The following USP3 variants were observed in gnomAD, a reference collection of about 807,000 sequenced individuals.
The protein encoded by USP3 is ubiquitin specific peptidase 3, also known as ubiquitin carboxyl-terminal hydrolase 3.
Under a neutral mutation model 72.3 loss-of-function variants are expected in USP3, and 20 were observed. The observed-to-expected ratio is 0.28, with a 90% CI of 0.19 to 0.40. The LOEUF (loss-of-function observed/expected upper bound fraction) is 0.40, where lower values mean the gene tolerates loss of function less well. USP3 is among the 10% of genes least tolerant of loss of function. The pLI, the probability that USP3 is intolerant of heterozygous loss-of-function variation, is 1.00. For missense variants in USP3, 479 were observed against 633.9 expected (o/e 0.76, Z 2.62); for synonymous variants, 222 against 225.3 (o/e 0.99, Z 0.13).
chr15:63,524,487 T>G (rs1468839612), intron 1 of USP3, among the ~76,000 whole-genome samples: 2 of 152,202 alleles, frequency 1.3e-5, no homozygotes, highest in Non-Finnish European at 2.9e-5. Flanking sequence ...TTCATTTTGC[T>G]TATAATTTTG....
In USP3 at chr15:63,592,515, C is replaced by A. The variant is rs141318187; in HGVS notation, c.*1689C>A. ...AGGCTGGAGTGCAGTGTGGCATGAT[C>A]ACAGCTCACTGTAGCCTCAACCTCC... is the stretch of plus-strand genomic sequence containing the variant. On this transcript the variant is annotated 3_prime_UTR_variant, in exon 15 of 15. Transcript: ENST00000380324. The A allele has an allele frequency of 2.8e-3, 421 of 149,298 alleles. 3 individuals carry two copies. Among genetic ancestry groups the A allele is most frequent in the Non-Finnish European group, 5.3e-3 (359 of 67,638 alleles). 9.2% of individuals were successfully genotyped at this position (149,298 alleles called of 1,614,324 possible).
intron 3 of USP3, among the ~76,000 whole-genome samples, chr15:63,545,579 GT>G (rs200281421): frequency 5.8e-4 from 87 of 148,802 alleles, no homozygotes; most frequent in African/African-American, 2.0e-3. Flanking sequence ...CAAGTATTTT[GT>G]TTTTTTTTAA....
At chr15:63,550,513 C>T (rs747643674) in intron 3 of USP3, among the ~76,000 whole-genome samples, 1 of 152,198 alleles carries the variant, frequency 6.6e-6, no homozygotes, top group Non-Finnish European at 1.5e-5. Context: ...ATATCTACAA[C>T]ATAAGATCAG....
chr15:63,547,191 T>G (rs1054922394), intron 3 of USP3, among the ~76,000 whole-genome samples: 1 of 152,134 alleles, frequency 6.6e-6, no homozygotes, highest in Non-Finnish European at 1.5e-5. Context: ...ACCTTAGAAG[T>G]TTTGACCTGT....
intron 1 of USP3, among the ~76,000 whole-genome samples, chr15:63,513,850 A>G (rs2065819543): frequency 6.6e-6 from 1 of 152,242 alleles, no homozygotes; most frequent in African/African-American, 2.4e-5. Flanking sequence ...GACATGTTAG[A>G]AAAATGTTCT....
intron 1 of USP3, among the ~76,000 whole-genome samples, chr15:63,518,943 T>C (rs938507961): frequency 6.6e-5 from 10 of 152,124 alleles, no homozygotes; most frequent in Non-Finnish European, 1.0e-4. Flanking sequence ...TTTTTTGTAT[T>C]TTTAGTAGAT....
At chr15:63,575,943 C>T (rs559386308) in intron 11 of USP3, among the ~76,000 whole-genome samples, 3 of 151,312 alleles carry the variant, frequency 2.0e-5, no homozygotes, top group African/African-American at 4.9e-5. Flanking sequence ...AGTTTAAAAA[C>T]TGTTCCTCGC....
chr15:63,523,222 C>T (rs554148211), intron 1 of USP3, among the ~76,000 whole-genome samples: 15 of 152,258 alleles, frequency 9.9e-5, no homozygotes, highest in African/African-American at 3.6e-4. Flanking sequence ...TCACTGAGTG[C>T]TTTCCGTTGA....
chr15:63,554,366 TTA>T (rs1260865651), intron 4 of USP3, among the ~76,000 whole-genome samples: 1 of 152,178 alleles, frequency 6.6e-6, no homozygotes, highest in Non-Finnish European at 1.5e-5. Flanking sequence ...ATGAAACTAT[TTA>T]TATGTGAACA....
intron 3 of USP3, among the ~76,000 whole-genome samples, chr15:63,545,063 T>C (rs1476746301): frequency 4.4e-5 from 5 of 113,974 alleles, no homozygotes; most frequent in Non-Finnish European, 1.1e-4. Flanking sequence ...TACTAGAAGT[T>C]AGAAATAAAT....
chr15:63,587,372 T>C (rs1259254234), intron 11 of USP3, among the ~76,000 whole-genome samples: 1 of 151,794 alleles, frequency 6.6e-6, no homozygotes, highest in Non-Finnish European at 1.5e-5. Context: ...TATGAATATC[T>C]GATTGCATCA....
chr15:63,506,372 A>T (rs1018106346), intron 1 of USP3, among the ~76,000 whole-genome samples: 2 of 24,096 alleles, frequency 8.3e-5, no homozygotes, highest in African/African-American at 1.2e-3. Flanking sequence ...AATTTGAAGA[A>T]AAAAAAAAAG....
At chr15:63,565,243 C>T (rs568141836) in intron 8 of USP3, among the ~76,000 whole-genome samples, 3 of 152,154 alleles carry the variant, frequency 2.0e-5, no homozygotes, top group South Asian at 4.1e-4. Flanking sequence ...ACACACACAC[C>T]CTCAATGTAA....
chr15:63,584,092 G>GTTTTTTTTTTTT (rs61574200), intron 11 of USP3, among the ~76,000 whole-genome samples: 3 of 85,598 alleles, frequency 3.5e-5, no homozygotes, highest in African/African-American at 4.5e-5. Flanking sequence ...CAACGGTTTT[G>GTTTTTTTTTTTT]TTTTTTTTTT....
At chr15:63,511,764 A>G (rs2065785939) in intron 1 of USP3, among the ~76,000 whole-genome samples, 1 of 152,060 alleles carries the variant, frequency 6.6e-6, no homozygotes, top group South Asian at 2.1e-4. Context: ...TGTAGGGTGG[A>G]GGAAGGAGAG....
chr15:63,542,863 C>G (rs574744413), intron 3 of USP3, among the ~76,000 whole-genome samples: 1 of 152,174 alleles, frequency 6.6e-6, no homozygotes, highest in South Asian at 2.1e-4. Flanking sequence ...TGCAGTAAGA[C>G]AGTAGACAGA....
chr15:63,523,324 C>T (rs1454056670), intron 1 of USP3, among the ~76,000 whole-genome samples: 1 of 152,096 alleles, frequency 6.6e-6, no homozygotes, highest in African/African-American at 2.4e-5. Context: ...TGACCCATTT[C>T]ACAGAGAGGA....
intron 6 of USP3, among the ~76,000 whole-genome samples, chr15:63,558,937 T>G (rs2152672270): frequency 6.6e-6 from 1 of 152,256 alleles, no homozygotes; most frequent in South Asian, 2.1e-4. Flanking sequence ...AAAACTCGCT[T>G]TAAGAGCTGC....
rs1358319692 is a variant in USP3 at position 63,534,673 on chromosome 15, T to C, written c.152+1966T>C. On this transcript the variant is annotated intron_variant, in intron 2 of 14. Coordinates refer to ENST00000380324, the MANE Select transcript of USP3 (RefSeq NM_006537.4). ...CCTACTTCTTAGTTTATCTCTGATA[T>C]GCACCGGAACTATTTAAACATCTAG... 2.0e-5 allele frequency among the ~76,000 whole-genome samples: 3 copies of C among 152,348 alleles called. No individual in the cohort carries two copies. The East Asian group carries it at 5.8e-4, about 29-fold the overall frequency.
Sources: allele counts gnomAD v4.1 joint callset (sites outside exome capture counted in the v4.1 genomes callset), GRCh38; gene constraint gnomAD v4.1.1; transcripts MANE v1.5; gene names NCBI Gene and HGNC (gene_info 2026-07-23, HGNC 2026-07-21).